The following CEP128 variants were observed in gnomAD, a reference collection of about 807,000 sequenced individuals.
The protein encoded by CEP128 is centrosomal protein 128kDa.
Under a neutral mutation model 156.7 loss-of-function variants are expected in CEP128, and 132 were observed. The ratio of observed to expected loss-of-function variants is 0.84; its 90% confidence interval spans 0.73 to 0.97. The LOEUF is 0.97. Ranked by LOEUF, CEP128 falls within the 50% of genes least tolerant of loss-of-function variation. The probability of loss-of-function intolerance (pLI) is 0.00; values close to 1 mark genes in which losing one functional copy is unlikely to be tolerated. For synonymous variants in CEP128, 469 were observed against 448.9 expected, an observed-to-expected ratio of 1.04 and a Z score of -0.57; for missense variants, 1,252 against 1,281.9, an observed-to-expected ratio of 0.98 and a Z score of 0.36.
chr14:80,580,859 AC>A (rs1267971007), intron 19 of CEP128, among the ~76,000 whole-genome samples: 2 of 152,244 alleles, frequency 1.3e-5, no homozygotes, highest in South Asian at 2.1e-4. Context: ...GCCAAGTTCC[AC>A]CCCTACAGTC....
intron 19 of CEP128, among the ~76,000 whole-genome samples, chr14:80,674,667 A>C (rs1266427009): frequency 2.0e-5 from 3 of 151,780 alleles, no homozygotes; most frequent in Non-Finnish European, 4.4e-5. Flanking sequence ...ATATGTATGT[A>C]TAACAGTACA....
In CEP128 at chr14:80,704,646, C is replaced by CT. The variant is rs1002347986; in HGVS notation, c.2806+38428dup. ...ACTACTTTAGGCCTACATTTTTACGCTTGAAACATGAAGAGGTGTGTTGAC... is the reference window on the plus strand; with the variant it reads ...ACTACTTTAGGCCTACATTTTTACGCTTTGAAACATGAAGAGGTGTGTTGAC... On this transcript the variant is annotated intron_variant, in intron 19 of 24. Coordinates refer to ENST00000555265, the MANE Select transcript of CEP128 (RefSeq NM_152446.5). 1.7e-4 allele frequency among the ~76,000 whole-genome samples: 25 copies of CT among 146,368 alleles called. 1 individual carries two copies. Among genetic ancestry groups the CT allele is most frequent in the Admixed American group, 1.5e-3 (21 of 14,098 alleles).
At chr14:80,915,455 T>C (rs367544387) in intron 3 of CEP128, among the ~76,000 whole-genome samples, 3 of 152,354 alleles carry the variant, frequency 2.0e-5, no homozygotes, top group East Asian at 3.9e-4. Context: ...CCAAAATCCA[T>C]TCTTAGCCAG....
chr14:80,546,666 A>G (rs1011390470), intron 21 of CEP128, among the ~76,000 whole-genome samples: 4 of 152,216 alleles, frequency 2.6e-5, no homozygotes, highest in Admixed American at 6.5e-5. Flanking sequence ...AATGCCTGAT[A>G]GCAATCAACC....
chr14:80,558,338 G>T (rs1193091137), intron 21 of CEP128, among the ~76,000 whole-genome samples: 1 of 151,930 alleles, frequency 6.6e-6, no homozygotes, highest in Non-Finnish European at 1.5e-5. Flanking sequence ...TGTTGCACTG[G>T]AGTGCAGTGG....
Position 80,831,387 on chromosome 14 carries a change from T to C in CEP128, c.1058-93A>G. The C allele has an allele frequency of 3.9e-6, 5 of 1,297,764 alleles. 1 individual carries two copies. The South Asian group carries it at 5.7e-5, about 15-fold the overall frequency. The allele number at this position is 1,297,764 out of a possible 1,614,324, so 80.4% of individuals were successfully genotyped here. On this transcript the variant is annotated intron_variant, in intron 12 of 24. Transcript: ENST00000555265. ...ACTGAGCCCTGATGTTTCAATATTCTAGCTATCATAATCCATTTATTGACA... is the reference window on the plus strand; with the variant it reads ...ACTGAGCCCTGATGTTTCAATATTCCAGCTATCATAATCCATTTATTGACA...
At chr14:80,769,591 C>G (rs890417440) in intron 16 of CEP128, among the ~76,000 whole-genome samples, 1 of 152,094 alleles carries the variant, frequency 6.6e-6, no homozygotes, top group Non-Finnish European at 1.5e-5. Context: ...TGAACTCATC[C>G]TTTTTTACGG....
chr14:80,641,346 C>T (rs1894399205), intron 19 of CEP128, among the ~76,000 whole-genome samples: 1 of 152,198 alleles, frequency 6.6e-6, no homozygotes, highest in African/African-American at 2.4e-5. Context: ...TCTTGATGTT[C>T]AAGGGCTAAT....
At chr14:80,585,538 T>A (rs1414193911) in intron 19 of CEP128, among the ~76,000 whole-genome samples, 1 of 152,188 alleles carries the variant, frequency 6.6e-6, no homozygotes, top group Non-Finnish European at 1.5e-5. Context: ...AAATGCCTCA[T>A]CCATATTACA....
chr14:80,688,301 T>G (rs902429090), intron 19 of CEP128, among the ~76,000 whole-genome samples: 5 of 152,138 alleles, frequency 3.3e-5, no homozygotes, highest in Non-Finnish European at 7.4e-5. Flanking sequence ...TGCTGACTGG[T>G]TTTTGTAGTC....
chr14:80,739,593 T>A (rs1898702026), intron 19 of CEP128, among the ~76,000 whole-genome samples: 1 of 152,208 alleles, frequency 6.6e-6, no homozygotes, highest in African/African-American at 2.4e-5. Flanking sequence ...ATAGTCATTC[T>A]ACTCTTAAAG....
intron 24 of CEP128, among the ~76,000 whole-genome samples, chr14:80,500,298 C>T (rs2140177086): frequency 6.6e-6 from 1 of 152,284 alleles, no homozygotes. Context: ...GCATCTACAG[C>T]TTCAACGAAA....
At chr14:80,848,554 A>C (rs1886724845) in intron 9 of CEP128, among the ~76,000 whole-genome samples, 1 of 151,926 alleles carries the variant, frequency 6.6e-6, no homozygotes, top group Non-Finnish European at 1.5e-5. Context: ...CCAACTATTC[A>C]GGAGGCTGAG....
At chr14:80,876,068 G>C (rs1162699756) in intron 8 of CEP128, among the ~76,000 whole-genome samples, 1 of 151,986 alleles carries the variant, frequency 6.6e-6, no homozygotes, top group Non-Finnish European at 1.5e-5. Flanking sequence ...AAGAGACAAA[G>C]GGGATGAAGT....
chr14:80,837,905 T>C (rs1462812648), intron 11 of CEP128, among the ~76,000 whole-genome samples: 1 of 152,210 alleles, frequency 6.6e-6, no homozygotes, highest in Non-Finnish European at 1.5e-5. Context: ...GAAAATTTTA[T>C]CTTATACATT....
chr14:80,664,780 C>T (rs1397706568), intron 19 of CEP128, among the ~76,000 whole-genome samples: 1 of 152,156 alleles, frequency 6.6e-6, no homozygotes, highest in African/African-American at 2.4e-5. Flanking sequence ...GTGACTCACC[C>T]AAACCTTAAA....
At chr14:80,522,660 T>C (rs1380000297) in intron 23 of CEP128, among the ~76,000 whole-genome samples, 1 of 152,212 alleles carries the variant, frequency 6.6e-6, no homozygotes, top group Non-Finnish European at 1.5e-5. Context: ...TGGGGATGTC[T>C]TGGACAAAAC....
At chr14:80,615,081 T>C (rs188786310) in intron 19 of CEP128, among the ~76,000 whole-genome samples, 3 of 152,360 alleles carry the variant, frequency 2.0e-5, no homozygotes, top group Admixed American at 1.3e-4. Flanking sequence ...TGGTATTGAT[T>C]GGGTTTGGAG....
chr14:80,771,496 GT>G (rs914739192), intron 16 of CEP128, among the ~76,000 whole-genome samples: 1 of 152,178 alleles, frequency 6.6e-6, no homozygotes, highest in African/African-American at 2.4e-5. Flanking sequence ...GATTTCAAGT[GT>G]TTTTATCCAA....
Sources: allele counts gnomAD v4.1 joint callset (sites outside exome capture counted in the v4.1 genomes callset), GRCh38; gene constraint gnomAD v4.1.1; transcripts MANE v1.5; gene names NCBI Gene and HGNC (gene_info 2026-07-23, HGNC 2026-07-21).